The following MED25 variants were observed in gnomAD, a reference collection of about 807,000 sequenced individuals.
MED25 encodes mediator of RNA polymerase II transcription subunit 25.
In MED25, 62 loss-of-function variants were observed where a neutral mutation model predicts 89.4. The observed-to-expected ratio is 0.69, with a 90% CI of 0.57 to 0.86. MED25 has a LOEUF of 0.86. Ranked by LOEUF, MED25 falls within the 40% of genes least tolerant of loss-of-function variation. The pLI, the probability that MED25 is intolerant of heterozygous loss-of-function variation, is 0.00. For synonymous variants in MED25, 449 were observed against 427.9 expected, an observed-to-expected ratio of 1.05 and a Z score of -0.61; for missense variants, 905 against 1,005.2, an observed-to-expected ratio of 0.90 and a Z score of 1.35.
At chr19:49,820,542 G>A (rs769874654) in intron 3 of MED25, among the ~76,000 whole-genome samples, 9 of 152,184 alleles carry the variant, frequency 5.9e-5, no homozygotes, top group Non-Finnish European at 1.3e-4. Flanking sequence ...GAGTTACAGA[G>A]AACAGGAATC....
chr19:49,830,951 G>A lies in MED25; in HGVS notation c.1101+64G>A. 6.6e-7 allele frequency: 1 copy of A among 1,518,154 alleles called. No homozygotes were observed. Among genetic ancestry groups the A allele is most frequent in the Non-Finnish European group, 9.0e-7 (1 of 1,108,374 alleles). The allele number at this position is 1,518,154 out of a possible 1,614,324, so 94.0% of individuals were successfully genotyped here. On this transcript the variant is annotated intron_variant, in intron 9 of 17. Transcript: ENST00000312865. The surrounding 1 kb of genome is among the most constrained non-coding windows in gnomAD (Gnocchi z 4.6). ...CTGCTGTCCACAGCTAGGACAGTTA[G>A]AGGATGAGTCATTTGCCTTCCAGGG...
chr19:49,830,642 G>T lies in MED25; in HGVS notation c.907+44G>T. On this transcript the variant is annotated intron_variant, in intron 8 of 17. Coordinates refer to ENST00000312865, the MANE Select transcript of MED25 (RefSeq NM_030973.4). This position sits in a 1 kb window ranked among gnomAD's most constrained non-coding sequence, Gnocchi z 4.6. ...ATGAAGGGCGGGCAGGGGCCAGGCA[G>T]GCCTCTCTCCACACACTTGTTCCCC... 6.2e-7 allele frequency: 1 copy of T among 1,612,716 alleles called. No individual in the cohort carries two copies. The highest frequency in any genetic ancestry group is 8.5e-7 in the Non-Finnish European group (1 of 1,178,704).
At position 49,828,956 on chromosome 19, in the gene MED25, C is replaced by T. The variant is rs2074033798; in HGVS notation, c.405-14C>T. ...TGTTGCTGCTGGCTCCATGTCTTCT[C>T]TCTTTCCTGGTAGTGGCCAGACGCA... On this transcript the variant is annotated splice_polypyrimidine_tract_variant and intron_variant, in intron 4 of 17. Coordinates refer to ENST00000312865, the MANE Select transcript of MED25 (RefSeq NM_030973.4). The T allele has an allele frequency of 5.0e-6, 8 of 1,613,860 alleles. No homozygotes were observed. The highest frequency in any genetic ancestry group is 1.3e-5 in the African/African-American group (1 of 74,928).
Position 49,830,135 on chromosome 19 carries a change from C to G in MED25, c.736C>G (p.Pro246Ala). The stretch of plus-strand genomic sequence containing the variant: ...CCCCCTCCAGTCAAAGCAGCCAGTC[C>G]CCCTGCCTCCCGCCGCACCCTCAGG... Reference protein sequence around the residue: ...PGPLQSKQPVPLPPAAPSGAT... With the variant: ...PGPLQSKQPVALPPAAPSGAT... Residue 246 changes from proline to alanine, a missense_variant, in exon 7 of 18, where the codon CCC becomes GCC. Pro to Ala is a conservative substitution (Grantham distance 27). Around this residue, in one of 3 missense-constraint regions of MED25, gnomAD observed 501 missense variants for 526.9 expected, o/e 0.95. Coordinates refer to ENST00000312865, the MANE Select transcript of MED25 (RefSeq NM_030973.4). This position sits in a 1 kb window ranked among gnomAD's most constrained non-coding sequence, Gnocchi z 4.6. The G allele has an allele frequency of 6.2e-7, 1 of 1,607,842 alleles. No individual in the cohort carries two copies. The highest frequency in any genetic ancestry group is 1.1e-5 in the South Asian group (1 of 90,960).
chr19:49,830,553 G>A lies in MED25; in HGVS notation c.862G>A (p.Ala288Thr). The A allele has an allele frequency of 6.2e-7, 1 of 1,614,164 alleles. No homozygotes were observed. The highest frequency in any genetic ancestry group is 8.5e-7 in the Non-Finnish European group (1 of 1,180,004). Reference protein sequence around the residue: ...LSAAQVAAQNAVEAAKNQKAG... With the variant: ...LSAAQVAAQNTVEAAKNQKAG... ...TGCAGCTCAGGTGGCCGCGCAGAATGCAGTGGAGGCTGCCAAGAACCAGAA... is the reference window on the plus strand; with the variant it reads ...TGCAGCTCAGGTGGCCGCGCAGAATACAGTGGAGGCTGCCAAGAACCAGAA... The change falls in exon 8 of 18, where the codon GCA becomes ACA. Residue 288 changes from alanine to threonine, a missense_variant. Transcript: ENST00000312865. This position sits in a 1 kb window ranked among gnomAD's most constrained non-coding sequence, Gnocchi z 4.6.
chr19:49,832,335 T>G lies in MED25; in HGVS notation c.1402T>G (p.Ser468Ala). 1 of 1,609,948 alleles carries G rather than the reference T, an allele frequency of 6.2e-7. No homozygotes were observed. ...LTTLGPLFRN[S>A]RMVQFHFTNK... ...CACCCTGGGCCCTTTGTTCCGGAACTCAAGGATGGTCCAGTTCCATTTCAC... is the reference window on the plus strand; with the variant it reads ...CACCCTGGGCCCTTTGTTCCGGAACGCAAGGATGGTCCAGTTCCATTTCAC... The change falls in exon 13 of 18, where the codon TCA (serine) becomes GCA (alanine). Residue 468 changes from serine (S) to alanine (A), a missense_variant. Physicochemically the swap from Ser to Ala is moderately conservative, Grantham distance 99. Transcript: ENST00000312865.
Position 49,818,842 on chromosome 19 carries a change from T to A in MED25, c.180+226T>A. 3.4e-6 allele frequency: 2 copies of A among 591,178 alleles called. 1 individual carries two copies. Among genetic ancestry groups the A allele is most frequent in the Non-Finnish European group, 5.9e-6 (2 of 337,442 alleles). 36.6% of individuals were successfully genotyped at this position (591,178 alleles called of 1,614,324 possible). On this transcript the variant is annotated intron_variant, in intron 2 of 17. Coordinates refer to ENST00000312865, the MANE Select transcript of MED25 (RefSeq NM_030973.4). ...TCCTGGGTCCGAGGGAGGAGGGAGC[T>A]AGGGGCCCAGATCCCTGGGTCTGAG...
chr19:49,830,279 G>A lies in MED25; in HGVS notation c.819+61G>A. 1 of 1,548,194 alleles carries A rather than the reference G, an allele frequency of 6.5e-7. No homozygotes were observed. The highest frequency in any genetic ancestry group is 1.4e-5 in the African/African-American group (1 of 73,830). ...GACTTGCTGGAGCCCTGGCCCCTGG[G>A]GAGAAATCTAGTTGCATGTTGGAGC... is the stretch of plus-strand genomic sequence containing the variant. On this transcript the variant is annotated intron_variant, in intron 7 of 17. Transcript: ENST00000312865. The surrounding 1 kb of genome is among the most constrained non-coding windows in gnomAD (Gnocchi z 4.6).
At chr19:49,820,564 T>G (rs2073975023) in intron 3 of MED25, among the ~76,000 whole-genome samples, 3 of 152,306 alleles carry the variant, frequency 2.0e-5, no homozygotes, top group Admixed American at 1.3e-4. Flanking sequence ...ATAAACTCAT[T>G]CCATAAAACA....
At position 49,828,471 on chromosome 19, in the gene MED25, A is replaced by T; in HGVS notation, c.328A>T (p.Ser110Cys). Reference protein sequence around the residue: ...GIKFMGGGGESCSLIAEGLST... With the variant: ...GIKFMGGGGECCSLIAEGLST... ...CAGGTTCATGGGCGGGGGTGGTGAGAGCTGCAGCCTCATCGCGGAAGGACT... is the reference window on the plus strand; with the variant it reads ...CAGGTTCATGGGCGGGGGTGGTGAGTGCTGCAGCCTCATCGCGGAAGGACT... The change falls in exon 4 of 18, where the codon AGC becomes TGC. Residue 110 changes from serine to cysteine, a missense_variant. Coordinates refer to ENST00000312865, the MANE Select transcript of MED25 (RefSeq NM_030973.4). The T allele has an allele frequency of 6.2e-7, 1 of 1,614,016 alleles. No individual in the cohort carries two copies. Among genetic ancestry groups the T allele is most frequent in the Non-Finnish European group, 8.5e-7 (1 of 1,179,952 alleles).
At chr19:49,837,770 G>A (rs1020286217), downstream of MED25, among the ~76,000 whole-genome samples, 3 of 152,172 alleles carry the variant, frequency 2.0e-5, no homozygotes, top group East Asian at 1.9e-4. Context: ...AGCTCAGGAC[G>A]TGTCCTTAGG....
Position 49,835,498 on chromosome 19 carries a change from C to T in MED25, c.1675-36C>T, listed in dbSNP as rs1328281634. 6.6e-7 allele frequency: 1 copy of T among 1,510,578 alleles called. No individual in the cohort carries two copies. Among genetic ancestry groups the T allele is most frequent in the South Asian group, 1.3e-5 (1 of 78,712 alleles). The allele number at this position is 1,510,578 out of a possible 1,614,324, so 93.6% of individuals were successfully genotyped here. On this transcript the variant is annotated intron_variant, in intron 14 of 17. Coordinates refer to ENST00000312865, the MANE Select transcript of MED25 (RefSeq NM_030973.4). The surrounding 1 kb of genome is among the most constrained non-coding windows in gnomAD (Gnocchi z 6.2). ...CGCCTCAGATTCAGGATGCCACCAC[C>T]CTCAGTTACTGACCTGCCCCTCTCT...
Position 49,829,857 on chromosome 19 carries a change from C to A in MED25, c.597C>A (p.Ala199=), listed in dbSNP as rs149788020. Residue 199 remains alanine, a synonymous_variant, in exon 6 of 18, where the codon GCC becomes GCA. Coordinates refer to ENST00000312865, the MANE Select transcript of MED25 (RefSeq NM_030973.4). The surrounding 1 kb of genome is among the most constrained non-coding windows in gnomAD (Gnocchi z 4.6). ...TTCGGCTTCTGTTTGAGAAGGCAGC[C>A]CCCCCGGCCTTGCTGGAGCCGCTGC... ...PALRLLFEKA[A]PPALLEPLQP... 1,280 of 1,612,612 alleles carry A rather than the reference C, an allele frequency of 7.9e-4. 8 individuals are homozygous for A. The African/African-American group carries it at 9.5e-3, about 12-fold the overall frequency.
In MED25 at chr19:49,830,537, G is replaced by C. The variant is rs762885909; in HGVS notation, c.846G>C (p.Gln282His). Residue 282 changes from glutamine (Q) to histidine (H), a missense_variant, in exon 8 of 18, where the codon CAG becomes CAC. Gln to His is a conservative substitution (Grantham distance 24). Coordinates refer to ENST00000312865, the MANE Select transcript of MED25 (RefSeq NM_030973.4). The surrounding 1 kb of genome is among the most constrained non-coding windows in gnomAD (Gnocchi z 4.6). ...YQVPGNLSAA[Q>H]VAAQNAVEAA... ...TTCCCGGGAACCTGAGTGCAGCTCA[G>C]GTGGCCGCGCAGAATGCAGTGGAGG... 1.2e-6 allele frequency: 2 copies of C among 1,614,144 alleles called. No homozygotes were observed. Among genetic ancestry groups the C allele is most frequent in the South Asian group, 1.1e-5 (1 of 91,080 alleles).
chr19:49,837,115 C>T, downstream of MED25: 1 of 678,704 alleles, frequency 1.5e-6, no homozygotes, highest in South Asian at 1.6e-5. Context: ...CGTGGTGAGT[C>T]ACAGGCAGTC....
chr19:49,832,197 C>A, intron 12 of MED25, 40 bp downstream of exon 12: 1 of 1,604,584 alleles, frequency 6.2e-7, no homozygotes, highest in Non-Finnish European at 8.5e-7. Flanking sequence ...GCCGGGCAGT[C>A]CTCACCCTGC....
chr19:49,818,563 C>A lies in MED25; in HGVS notation c.135-8C>A. 6.2e-7 allele frequency: 1 copy of A among 1,614,200 alleles called. No homozygotes were observed. The highest frequency in any genetic ancestry group is 1.1e-5 in the South Asian group (1 of 91,088). On this transcript the variant is annotated splice_polypyrimidine_tract_variant and splice_region_variant and intron_variant, in intron 1 of 17. Transcript: ENST00000312865. ...CTGACTCCGACCTTTCACTTCCTAC[C>A]CTCACAGGTATTTTAATGGTGGTCC...
rs76988388 is a variant in MED25, at chr19:49,824,009, G to C, written c.306-4440G>C. Among the ~76,000 whole-genome samples, 383 of 152,240 alleles carry C rather than the reference G, an allele frequency of 2.5e-3. 1 individual carries two copies. Among genetic ancestry groups the C allele is most frequent in the African/African-American group, 8.7e-3 (362 of 41,538 alleles). On this transcript the variant is annotated intron_variant, in intron 3 of 17. Transcript: ENST00000312865. ...TATTCCATTTGAGACCACTGGGAGA[G>C]ACCGGTAAGACAGTCTTGAGTGATG...
chr19:49,830,221 A>T lies in MED25; in HGVS notation c.819+3A>T. The T allele has an allele frequency of 6.2e-7, 1 of 1,604,392 alleles. No homozygotes were observed. The highest frequency in any genetic ancestry group is 1.7e-5 in the Admixed American group (1 of 59,632). Reference sequence around the variant, plus strand: ...CCCCCGTCCCCCCGCAGTACCAGGTATGGATATTTCCGGGAAGGGACATGC... The same window carrying T: ...CCCCCGTCCCCCCGCAGTACCAGGTTTGGATATTTCCGGGAAGGGACATGC... On this transcript the variant is annotated splice_donor_region_variant and intron_variant, in intron 7 of 17. Coordinates refer to ENST00000312865, the MANE Select transcript of MED25 (RefSeq NM_030973.4). The surrounding 1 kb of genome is among the most constrained non-coding windows in gnomAD (Gnocchi z 4.6).
Sources: gnomAD v4.1 joint callset for allele counts (sites outside exome capture counted in the v4.1 genomes callset) on GRCh38, gnomAD v4.1.1 for gene constraint, gnomAD v4.1.1 regional missense constraint, Gnocchi (gnomAD v3.1) non-coding constraint, MANE v1.5 for transcripts, NCBI Gene and HGNC (gene_info 2026-07-23, HGNC 2026-07-21) for gene names.